TMC4: variants seen among roughly 807,000 people sequenced by gnomAD.
The protein encoded by TMC4 is transmembrane channel like 4, also known as voltage-gated chloride channel TMC4.
In TMC4, 70 loss-of-function variants were observed where a neutral mutation model predicts 82.0. The observed-to-expected ratio is 0.85, with a 90% CI of 0.70 to 1.04. The LOEUF (loss-of-function observed/expected upper bound fraction) is 1.04, where lower values mean the gene tolerates loss of function less well. Ranked by LOEUF, TMC4 falls within the 50% of genes least tolerant of loss-of-function variation. TMC4 has a pLI of 0.00. For synonymous variants in TMC4, 446 were observed against 406.0 expected (o/e 1.10, Z -1.18); for missense variants, 879 against 899.0 (o/e 0.98, Z 0.28).
chr19:54,168,112 C>G (rs2075748266), intron 5 of TMC4, 59 bp downstream of exon 5: 1 of 1,524,274 alleles, frequency 6.6e-7, no homozygotes, highest in South Asian at 1.2e-5. Flanking sequence ...CTGCCACCAC[C>G]ACTTGCTTCC....
chr19:54,168,536 T>C lies in TMC4; in HGVS notation c.587A>G (p.Asp196Gly), dbSNP rs1284377716. The C allele has an allele frequency of 6.4e-7, 1 of 1,556,024 alleles. No individual in the cohort carries two copies. The highest frequency in any genetic ancestry group is 1.2e-5 in the South Asian group (1 of 84,232). Residue 196 changes from aspartate to glycine, a missense_variant, in exon 4 of 15, where the codon GAC (aspartate) becomes GGC (glycine). Physicochemically the swap from Asp to Gly is moderately conservative, Grantham distance 94. Transcript: ENST00000619895. Reference protein sequence around the residue: ...GGAPPGPPGPDISSPCGSYNP... With the variant: ...GGAPPGPPGPGISSPCGSYNP... ...ATAGGAGCCGCAGGGCGAGGAGATGTCGGGGCCGGGAGGGCCTGGGGGAGC... is the reference window on the plus strand; with the variant it reads ...ATAGGAGCCGCAGGGCGAGGAGATGCCGGGGCCGGGAGGGCCTGGGGGAGC...
intron 2 of TMC4, 89 bp downstream of exon 2, chr19:54,171,781 C>T: frequency 2.4e-6 from 3 of 1,237,184 alleles, no homozygotes; most frequent in East Asian, 2.6e-5. Context: ...CCAGGAGCGG[C>T]AGAGGACAGA....
In TMC4 at chr19:54,164,577, G is replaced by C; in HGVS notation, c.970C>G (p.Arg324Gly). 6.2e-7 allele frequency: 1 copy of C among 1,613,460 alleles called. No homozygotes were observed. The highest frequency in any genetic ancestry group is 8.5e-7 in the Non-Finnish European group (1 of 1,179,988). The part of the protein sequence containing the change: ...LKVELEETVV[R>G]RQAAVRTLGQ... Reference sequence around the variant, plus strand: ...AGCGTCCGCACCGCAGCCTGGCGCCGCACCACTGTCTCCTCCAGCTCCACC... The same window carrying C: ...AGCGTCCGCACCGCAGCCTGGCGCCCCACCACTGTCTCCTCCAGCTCCACC... The change falls in exon 7 of 15, where the codon CGG becomes GGG. Residue 324 changes from arginine (R) to glycine (G), a missense_variant. Arg to Gly is a moderately radical substitution (Grantham distance 125, BLOSUM62 -2). Transcript: ENST00000619895.
In TMC4 at chr19:54,166,145, G is replaced by A. The variant is rs771533798; in HGVS notation, c.798-579C>T. ...TGTAATCCCAGCACTTTGGGAGGCC[G>A]AGGGGGGAGGATCACCTGAGGTCAG... On this transcript the variant is annotated intron_variant, in intron 5 of 14. Coordinates refer to ENST00000619895, the MANE Select transcript of TMC4 (RefSeq NM_144686.4). Among the ~76,000 whole-genome samples the A allele has an allele frequency of 5.9e-5, 9 of 151,806 alleles. No individual in the cohort carries two copies. The South Asian group carries it at 6.2e-4, about 11-fold the overall frequency.
rs868859223 is a variant in TMC4 at position 54,168,912 on chromosome 19, T to C, written c.443-232A>G. Reference sequence around the variant, plus strand: ...CTTTCTTTCCTTTCTTTCTTCTTTCTTTCCTTCCTTCCTTCCTTCCTTCCT... The same window carrying C: ...CTTTCTTTCCTTTCTTTCTTCTTTCCTTCCTTCCTTCCTTCCTTCCTTCCT... On this transcript the variant is annotated intron_variant, in intron 3 of 14. Coordinates refer to ENST00000619895, the MANE Select transcript of TMC4 (RefSeq NM_144686.4). Among the ~76,000 whole-genome samples the C allele has an allele frequency of 3.3e-3, 38 of 11,480 alleles. 12 individuals carry two copies. Among genetic ancestry groups the C allele is most frequent in the Admixed American group, 8.4e-3 (8 of 950 alleles). The allele number at this position is 11,480 out of a possible 152,430, so 7.5% of individuals were successfully genotyped here.
Position 54,163,744 on chromosome 19 carries a change from C to G in TMC4, c.1257G>C (p.Gln419His). Residue 419 changes from glutamine to histidine, a missense_variant, in exon 8 of 15, where the codon CAG becomes CAC. Physicochemically the swap from Gln to His is conservative, Grantham distance 24. Coordinates refer to ENST00000619895, the MANE Select transcript of TMC4 (RefSeq NM_144686.4). ...GGAACCTGAGCAGGATAAAAACGAT[C>G]TGGCGACTCCGAGTGTAGCCCTCCA... ...APLEGYTRSR[Q>H]IVFILLRTVF... 2.5e-6 allele frequency: 4 copies of G among 1,614,134 alleles called. No individual in the cohort carries two copies. The South Asian group carries it at 3.3e-5, about 13-fold the overall frequency.
intron 11 of TMC4, 52 bp downstream of exon 11, chr19:54,162,050 G>A: frequency 6.7e-7 from 1 of 1,498,354 alleles, no homozygotes; most frequent in Non-Finnish European, 9.0e-7. Context: ...ACCCAGGAGT[G>A]CGGGCCCCAA....
At chr19:54,164,181 G>A (rs1298936807) in intron 7 of TMC4, among the ~76,000 whole-genome samples, 3 of 151,612 alleles carry the variant, frequency 2.0e-5, no homozygotes, top group African/African-American at 7.3e-5. Flanking sequence ...CACCATGTTG[G>A]TCAGGCTGGT....
rs1288351540 is a variant in TMC4, at chr19:54,160,151, G to T, written c.*155C>A. 1.2e-6 allele frequency: 1 copy of T among 804,726 alleles called. No individual in the cohort carries two copies. Among genetic ancestry groups the T allele is most frequent in the South Asian group, 2.4e-5 (1 of 41,472 alleles). 49.8% of individuals were successfully genotyped at this position (804,726 alleles called of 1,614,324 possible). On this transcript the variant is annotated 3_prime_UTR_variant, in exon 15 of 15. Coordinates refer to ENST00000619895, the MANE Select transcript of TMC4 (RefSeq NM_144686.4). ...TTTATTGATACAAGGAAGATCACCC[G>T]AGAGTCAGGGACGTGGCGGCGAGGG...
In TMC4 at chr19:54,166,882, G is replaced by A. The variant is rs558815566; in HGVS notation, c.797+1289C>T. ...GCAGGAAAATTGCTTGAACCCGGGC[G>A]GCGGAGGTTGCAGTGAGCTGAGATC... On this transcript the variant is annotated intron_variant, in intron 5 of 14. Transcript: ENST00000619895. Among the ~76,000 whole-genome samples, 11 of 152,254 alleles carry A rather than the reference G, an allele frequency of 7.2e-5. No homozygotes were observed. The South Asian group carries it at 1.0e-3, about 14-fold the overall frequency.
chr19:54,162,145 A>G lies in TMC4; in HGVS notation c.1643T>C (p.Leu548Pro), dbSNP rs1231420912. 6.2e-7 allele frequency: 1 copy of G among 1,613,794 alleles called. No individual in the cohort carries two copies. The highest frequency in any genetic ancestry group is 8.5e-7 in the Non-Finnish European group (1 of 1,179,894). The change falls in exon 11 of 15, where the codon CTG becomes CCG. Residue 548 changes from leucine to proline, a missense_variant. Transcript: ENST00000619895. Reference protein sequence around the residue: ...VGSFFCPLLPLLNTVKFLLLF... With the variant: ...VGSFFCPLLPPLNTVKFLLLF... ...CAGCAGGAACTTGACCGTGTTAAGC[A>G]GGGGCAGTAAAGGGCAGAAAAAACT...
At chr19:54,164,786 G>T (rs1456423766) in intron 6 of TMC4, 185 bp from the exon 7 acceptor site, 2 of 747,370 alleles carry the variant, frequency 2.7e-6, no homozygotes, top group South Asian at 3.7e-5. Context: ...TTACAGCCCC[G>T]CCCCTTCGCG....
intron 1 of TMC4, among the ~76,000 whole-genome samples, chr19:54,172,465 C>T (rs2075927282): frequency 7.1e-6 from 1 of 141,136 alleles, no homozygotes; most frequent in Non-Finnish European, 1.6e-5. Context: ...GCCCCCGGCT[C>T]CTCCTCCCTC....
rs367877993 is a variant in TMC4, at chr19:54,172,058, G to A, written c.105C>T (p.Asn35=). ...GAAGGGTGGCAGCACTGGGCAGCTC[G>A]TTCAGCACAGAAGACAGCGATGGGC... is the stretch of plus-strand genomic sequence containing the variant. ...RGGPSLSSVL[N]ELPSAATLRY... The change falls in exon 2 of 15, where the codon AAC becomes AAT. Residue 35 remains asparagine (N), a synonymous_variant. Transcript: ENST00000619895. 95 of 1,609,546 alleles carry A rather than the reference G, an allele frequency of 5.9e-5. No individual in the cohort carries two copies. Among genetic ancestry groups the A allele is most frequent in the Admixed American group, 1.8e-4 (11 of 59,616 alleles).
chr19:54,162,776 G>T lies in TMC4; in HGVS notation c.1405-6C>A. The T allele has an allele frequency of 6.2e-7, 1 of 1,613,320 alleles. No individual in the cohort carries two copies. Among genetic ancestry groups the T allele is most frequent in the East Asian group, 2.2e-5 (1 of 44,876 alleles). On this transcript the variant is annotated splice_region_variant and splice_polypyrimidine_tract_variant and intron_variant, in intron 9 of 14. Transcript: ENST00000619895. ...CCCAGGACAGTCTCCCAGCACTGAA[G>T]AAGGAAGAAATATATCAGAAAGAAC... is the stretch of plus-strand genomic sequence containing the variant.
chr19:54,164,794 G>GCGGCCGGATCC, intron 6 of TMC4, 193 bp from the exon 7 acceptor site: 1 of 712,176 alleles, frequency 1.4e-6, no homozygotes, highest in South Asian at 1.9e-5. Flanking sequence ...CCGCCCCTTC[G>GCGGCCGGATCC]CGGCCGGATC....
intron 6 of TMC4, 142 bp from the exon 7 acceptor site, chr19:54,164,743 T>C (rs1345279600): frequency 3.6e-6 from 4 of 1,108,482 alleles, no homozygotes; most frequent in South Asian, 1.5e-5. Flanking sequence ...TCTGCAGTCC[T>C]GGTTCCACCT....
chr19:54,168,664 G>T lies in TMC4; in HGVS notation c.459C>A (p.Gly153=). Residue 153 remains glycine, a synonymous_variant, in exon 4 of 15, where the codon GGC becomes GGA. Transcript: ENST00000619895. The stretch of plus-strand genomic sequence containing the variant: ...GCAGCAGGGAGAAGTAGGACTCCGT[G>T]CCGGCGCCAAACTGGCCTGCAGGGG... ...LKRIGGQFGA[G]TESYFSLLRF... 6.5e-7 allele frequency: 1 copy of T among 1,550,104 alleles called. No individual in the cohort carries two copies. Among genetic ancestry groups the T allele is most frequent in the Non-Finnish European group, 8.7e-7 (1 of 1,146,880 alleles).
At chr19:54,172,766 T>C in intron 1 of TMC4, 1 of 406,320 alleles carries the variant, frequency 2.5e-6, no homozygotes, top group Non-Finnish European at 4.4e-6. Flanking sequence ...AGCTCAGGAG[T>C]GTGGGAACCC....
Sources: allele counts gnomAD v4.1 joint callset (sites outside exome capture counted in the v4.1 genomes callset), GRCh38; gene constraint gnomAD v4.1.1; transcripts MANE v1.5; gene names NCBI Gene and HGNC (gene_info 2026-07-23, HGNC 2026-07-21).